Variants in AKAP8L observed in about 807,000 individuals in gnomAD.
The protein encoded by AKAP8L is A-kinase anchoring protein 8 like, also known as A-kinase anchor protein 8-like.
AKAP8L carries 34 observed loss-of-function variants against 77.5 expected under a neutral mutation model. The ratio of observed to expected loss-of-function variants is 0.44; its 90% confidence interval spans 0.33 to 0.58. AKAP8L has a LOEUF of 0.58. Among genes scored for constraint, AKAP8L ranks in the 20% least tolerant of loss-of-function variants. AKAP8L has a pLI of 0.02. For missense variants in AKAP8L, 806 were observed against 887.6 expected (o/e 0.91, Z 1.17); for synonymous variants, 342 against 340.7 (o/e 1.00, Z -0.04).
intron 2 of AKAP8L, among the ~76,000 whole-genome samples, chr19:15,407,774 G>C (rs1314492057): frequency 6.6e-6 from 1 of 152,122 alleles, no homozygotes; most frequent in Non-Finnish European, 1.5e-5. Flanking sequence ...CAGAAGACTT[G>C]ATATTGTTAA....
rs184367498 is a variant in AKAP8L at position 15,384,484 on chromosome 19, G to A, written c.1537-3872C>T. ...CCAGCTAATTTTTTGTATTTTAGTAGAGACAGGGTTTCATTATGTTGGCCA... is the reference window on the plus strand; with the variant it reads ...CCAGCTAATTTTTTGTATTTTAGTAAAGACAGGGTTTCATTATGTTGGCCA... On this transcript the variant is annotated intron_variant, in intron 12 of 13. Coordinates refer to ENST00000397410, the MANE Select transcript of AKAP8L (RefSeq NM_014371.4). Among the ~76,000 whole-genome samples, 9 of 151,688 alleles carry A rather than the reference G, an allele frequency of 5.9e-5. No homozygotes were observed. The East Asian group carries it at 1.8e-3, about 30-fold the overall frequency.
Position 15,399,446 on chromosome 19 carries a change from T to TCTGCCAGGACAGGGCAGGCC in AKAP8L, c.1049-56_1049-37dup, listed in dbSNP as rs1967845187. ...AGATGGGCACTGTCACCAATTTGGC[T>TCTGCCAGGACAGGGCAGGCC]CTGCCAGGACAGGGCAGGCCCTGCG... On this transcript the variant is annotated intron_variant, in intron 8 of 13. Transcript: ENST00000397410. The surrounding 1 kb of genome is among the most constrained non-coding windows in gnomAD (Gnocchi z 6.1). 5.8e-6 allele frequency: 9 copies of TCTGCCAGGACAGGGCAGGCC among 1,539,362 alleles called. No individual in the cohort carries two copies. Among genetic ancestry groups the TCTGCCAGGACAGGGCAGGCC allele is most frequent in the Non-Finnish European group, 8.1e-6 (9 of 1,112,580 alleles).
intron 2 of AKAP8L, 138 bp from the exon 3 acceptor site, chr19:15,404,180 G>T: frequency 1.2e-6 from 1 of 810,064 alleles, no homozygotes; most frequent in Non-Finnish European, 2.0e-6. Context: ...TTGAGCTCGC[G>T]AGCACTGCGC....
chr19:15,408,912 T>C (rs1968056101), intron 2 of AKAP8L, among the ~76,000 whole-genome samples: 1 of 151,922 alleles, frequency 6.6e-6, no homozygotes, highest in Non-Finnish European at 1.5e-5. Flanking sequence ...TTTGTTTTTG[T>C]TTTTGTTTTT....
chr19:15,400,130 G>A, intron 8 of AKAP8L, 165 bp downstream of exon 8: 3 of 663,126 alleles, frequency 4.5e-6, no homozygotes, highest in Non-Finnish European at 7.9e-6. Flanking sequence ...GTGGGAAGGG[G>A]GTGGAGGCGG....
chr19:15,380,516 C>T lies in AKAP8L; in HGVS notation c.1632+1G>A. The T allele has an allele frequency of 1.2e-6, 2 of 1,613,892 alleles. No homozygotes were observed. Among genetic ancestry groups the T allele is most frequent in the Non-Finnish European group, 1.7e-6 (2 of 1,179,894 alleles). Reference sequence around the variant, plus strand: ...AGGGCAGGCCCGGACCAGTGCCTCACCTTCAGGTAGCGCTCCAGCTTCTTG... The same window carrying T: ...AGGGCAGGCCCGGACCAGTGCCTCATCTTCAGGTAGCGCTCCAGCTTCTTG... On this transcript the variant is annotated splice_donor_variant, in intron 13 of 13. Transcript: ENST00000397410. LOFTEE classifies it high-confidence loss of function.
chr19:15,406,611 C>T (rs1322419431), intron 2 of AKAP8L, among the ~76,000 whole-genome samples: 2 of 151,890 alleles, frequency 1.3e-5, no homozygotes, highest in Non-Finnish European at 2.9e-5. Context: ...GGACAACAGG[C>T]ATGTGCCACC....
rs985014983 is a variant in AKAP8L at position 15,398,100 on chromosome 19, G to A, written c.1158-245C>T. 5 of 525,882 alleles carry A rather than the reference G, an allele frequency of 9.5e-6. No homozygotes were observed. The Admixed American group carries it at 1.3e-4, about 13-fold the overall frequency. The allele number at this position is 525,882 out of a possible 1,614,324, so 32.6% of individuals were successfully genotyped here. ...AGCTCTTCCTTCCCACAGGCAGGAG[G>A]CTGAAGCCTGAGACAGCAGCTGCTG... is the stretch of plus-strand genomic sequence containing the variant. On this transcript the variant is annotated intron_variant, in intron 9 of 13. Coordinates refer to ENST00000397410, the MANE Select transcript of AKAP8L (RefSeq NM_014371.4). The surrounding 1 kb of genome is among the most constrained non-coding windows in gnomAD (Gnocchi z 9.2).
At position 15,403,833 on chromosome 19, in the gene AKAP8L, G is replaced by T. The variant is rs182737828; in HGVS notation, c.122-118C>A. ...TCTGTCACAGAGAGAGAAGACCCTA[G>T]CCACTGAAGCTAGATGGGCCCTGGT... On this transcript the variant is annotated intron_variant, in intron 3 of 13. Coordinates refer to ENST00000397410, the MANE Select transcript of AKAP8L (RefSeq NM_014371.4). This position sits in a 1 kb window ranked among gnomAD's most constrained non-coding sequence, Gnocchi z 4.3. 2 of 1,085,862 alleles carry T rather than the reference G, an allele frequency of 1.8e-6. No homozygotes were observed. Among genetic ancestry groups the T allele is most frequent in the Admixed American group, 2.1e-5 (1 of 47,158 alleles). 67.3% of individuals were successfully genotyped at this position (1,085,862 alleles called of 1,614,324 possible).
intron 1 of AKAP8L, among the ~76,000 whole-genome samples, chr19:15,411,346 T>C (rs1209974098): frequency 1.3e-5 from 2 of 152,102 alleles, no homozygotes; most frequent in East Asian, 1.9e-4. Context: ...CATTAAAAAG[T>C]GTGTATAACA....
chr19:15,389,426 A>G (rs1967613040), intron 12 of AKAP8L, among the ~76,000 whole-genome samples: 1 of 152,128 alleles, frequency 6.6e-6, no homozygotes, highest in African/African-American at 2.4e-5. Flanking sequence ...AAATACTTGA[A>G]GAAACAATGG....
chr19:15,394,392 A>C (rs1216150476), intron 12 of AKAP8L, among the ~76,000 whole-genome samples: 2 of 152,210 alleles, frequency 1.3e-5, no homozygotes, highest in African/African-American at 4.8e-5. Context: ...ATAGATTAGT[A>C]GCTGCCTAAG....
chr19:15,418,826 G>A (rs1968270017), intron 1 of AKAP8L, 85 bp downstream of exon 1: 6 of 1,418,348 alleles, frequency 4.2e-6, no homozygotes, highest in African/African-American at 2.8e-5. Flanking sequence ...GGGCCCCAGG[G>A]GAGGTGCGGG....
chr19:15,410,390 T>C (rs929663089), intron 2 of AKAP8L, 130 bp downstream of exon 2: 2 of 739,544 alleles, frequency 2.7e-6, no homozygotes, highest in South Asian at 1.8e-5. Context: ...GCTATTCAAA[T>C]GGCCACACCA....
chr19:15,417,232 A>G (rs1968222764), intron 1 of AKAP8L, among the ~76,000 whole-genome samples: 1 of 152,164 alleles, frequency 6.6e-6, no homozygotes, highest in African/African-American at 2.4e-5. Context: ...GGTTTCTTCA[A>G]GAGTCCTGTT....
At chr19:15,414,430 T>A (rs1968165361) in intron 1 of AKAP8L, among the ~76,000 whole-genome samples, 1 of 152,060 alleles carries the variant, frequency 6.6e-6, no homozygotes, top group South Asian at 2.1e-4. Context: ...TTGAAAAAAA[T>A]AAAATATGCC....
At position 15,399,314 on chromosome 19, in the gene AKAP8L, C is replaced by T. The variant is rs769991175; in HGVS notation, c.1145G>A (p.Arg382His). The T allele has an allele frequency of 2.5e-6, 4 of 1,613,608 alleles. No individual in the cohort carries two copies. Among genetic ancestry groups the T allele is most frequent in the Non-Finnish European group, 3.4e-6 (4 of 1,179,648 alleles). Reference sequence around the variant, plus strand: ...GGAAGCTGGTTACCTTTCCACCATGCGGTCTCGCTGCCGCTTTTTCTGCTT... The same window carrying T: ...GGAAGCTGGTTACCTTTCCACCATGTGGTCTCGCTGCCGCTTTTTCTGCTT... ...QDKQKKRQRDRMVERIQFVCS... is the reference protein window; with the variant it reads ...QDKQKKRQRDHMVERIQFVCS... The change falls in exon 9 of 14, where the codon CGC (arginine) becomes CAC (histidine). Residue 382 changes from arginine (R) to histidine (H), a missense_variant. By Grantham distance (29) the Arg-to-His change is conservative (BLOSUM62 0). Transcript: ENST00000397410. The surrounding 1 kb of genome is among the most constrained non-coding windows in gnomAD (Gnocchi z 6.1).
In AKAP8L at chr19:15,389,087, G is replaced by T. The variant is rs187590413; in HGVS notation, c.1536+8063C>A. ...AAAATACAAAAAATTAGCCGGGCGT[G>T]GTGGTGGGCGCCTATAGTCCCCAGC... On this transcript the variant is annotated intron_variant, in intron 12 of 13. Transcript: ENST00000397410. Among the ~76,000 whole-genome samples the T allele has an allele frequency of 3.0e-3, 448 of 149,640 alleles. 1 individual carries two copies. Among genetic ancestry groups the T allele is most frequent in the Non-Finnish European group, 4.8e-3 (327 of 67,520 alleles).
intron 1 of AKAP8L, among the ~76,000 whole-genome samples, chr19:15,415,005 G>T (rs1303920220): frequency 1.3e-5 from 2 of 152,140 alleles, no homozygotes; most frequent in African/African-American, 2.4e-5. Context: ...GAGAGACAGG[G>T]TCTCACTATG....
Sources: allele counts gnomAD v4.1 joint callset (sites outside exome capture counted in the v4.1 genomes callset), GRCh38; gene constraint gnomAD v4.1.1; non-coding constraint Gnocchi (gnomAD v3.1); transcripts MANE v1.5; gene names NCBI Gene and HGNC (gene_info 2026-07-23, HGNC 2026-07-21).